UNC5C: variants seen among roughly 807,000 people sequenced by gnomAD.
The protein encoded by UNC5C is netrin receptor UNC5C.
A neutral mutation model predicts 99.8 loss-of-function variants in UNC5C; 47 were observed. The observed-to-expected ratio is 0.47, with a 90% confidence interval of 0.37 to 0.60. The LOEUF (loss-of-function observed/expected upper bound fraction) is 0.60, where lower values mean the gene tolerates loss of function less well. UNC5C is among the 20% of genes least tolerant of loss of function. UNC5C has a pLI of 0.00. For missense variants in UNC5C, 1,062 were observed against 1,165.9 expected, an observed-to-expected ratio of 0.91 and a Z score of 1.30; for synonymous variants, 487 against 452.2, an observed-to-expected ratio of 1.08 and a Z score of -0.98.
intron 3 of UNC5C, among the ~76,000 whole-genome samples, chr4:95,291,449 C>T (rs945913205): frequency 9.9e-5 from 15 of 152,132 alleles, no homozygotes; most frequent in Non-Finnish European, 1.8e-4. Flanking sequence ...ACTTTAATAA[C>T]ACATTTTTGT....
chr4:95,299,584 T>C (rs1741795205), intron 3 of UNC5C, among the ~76,000 whole-genome samples: 1 of 152,116 alleles, frequency 6.6e-6, no homozygotes, highest in Admixed American at 6.5e-5. Context: ...GGGTAATTTA[T>C]AAAGGAAAGA....
At chr4:95,275,609 A>G (rs946738426) in intron 4 of UNC5C, among the ~76,000 whole-genome samples, 3 of 152,224 alleles carry the variant, frequency 2.0e-5, no homozygotes, top group African/African-American at 7.2e-5. Context: ...ATAGGGAAGA[A>G]GTAAAATATT....
At chr4:95,244,888 A>G (rs774214524) in intron 6 of UNC5C, 89 bp downstream of exon 6, 12 of 1,507,332 alleles carry the variant, frequency 8.0e-6, no homozygotes, top group Non-Finnish European at 1.1e-5. Context: ...ACACATTCAG[A>G]TCAAGAATAA....
intron 1 of UNC5C, among the ~76,000 whole-genome samples, chr4:95,430,181 A>G (rs1746595419): frequency 6.6e-6 from 1 of 152,196 alleles, no homozygotes; most frequent in South Asian, 2.1e-4. Context: ...TGATGTGTCA[A>G]TGTAGGTTCA....
At chr4:95,280,169 C>T (rs1008715665) in intron 3 of UNC5C, among the ~76,000 whole-genome samples, 5 of 152,026 alleles carry the variant, frequency 3.3e-5, no homozygotes, top group Admixed American at 2.0e-4. Flanking sequence ...AGAGCTCTAC[C>T]AGAAAGCACC....
intron 7 of UNC5C, among the ~76,000 whole-genome samples, chr4:95,234,414 A>C (rs1409358962): frequency 1.3e-5 from 2 of 151,220 alleles, no homozygotes; most frequent in African/African-American, 4.9e-5. Flanking sequence ...TTTAGGTTAC[A>C]TGTGCACAAC....
chr4:95,193,338 G>T (rs6840355), intron 12 of UNC5C, among the ~76,000 whole-genome samples: 1 of 152,160 alleles, frequency 6.6e-6, no homozygotes, highest in Non-Finnish European at 1.5e-5. Flanking sequence ...TTTTGCTTTG[G>T]TTCGGCTTTC....
At chr4:95,368,927 C>A (rs1251533703) in intron 1 of UNC5C, among the ~76,000 whole-genome samples, 1 of 151,464 alleles carries the variant, frequency 6.6e-6, no homozygotes, top group African/African-American at 2.4e-5. Context: ...GTCTGTGTGT[C>A]TGTGTTTTGA....
At chr4:95,360,470 A>G (rs981913736) in intron 1 of UNC5C, among the ~76,000 whole-genome samples, 2 of 152,222 alleles carry the variant, frequency 1.3e-5, no homozygotes, top group African/African-American at 4.8e-5. Flanking sequence ...AAGTATTGTG[A>G]AATAAATAAA....
chr4:95,474,185 T>A (rs1166825328), intron 1 of UNC5C, among the ~76,000 whole-genome samples: 2 of 152,156 alleles, frequency 1.3e-5, no homozygotes, highest in African/African-American at 4.8e-5. Flanking sequence ...CAGAGCCAAT[T>A]TGCCTTCTGT....
At chr4:95,348,312 G>A (rs1413145894) in intron 1 of UNC5C, among the ~76,000 whole-genome samples, 1 of 151,786 alleles carries the variant, frequency 6.6e-6, no homozygotes, top group Non-Finnish European at 1.5e-5. Flanking sequence ...ACACTGTTGG[G>A]GGGAATGTAA....
At chr4:95,219,556 G>A (rs1738389306) in intron 8 of UNC5C, among the ~76,000 whole-genome samples, 1 of 152,094 alleles carries the variant, frequency 6.6e-6, no homozygotes, top group South Asian at 2.1e-4. Flanking sequence ...TTATGCCCAA[G>A]GTATTTGGCT....
chr4:95,491,592 G>A lies in UNC5C; in HGVS notation c.124+57142C>T, dbSNP rs558438653. 5.9e-5 allele frequency among the ~76,000 whole-genome samples: 9 copies of A among 151,624 alleles called. No individual in the cohort carries two copies. The South Asian group carries it at 1.5e-3, about 24-fold the overall frequency. ...TATCCAAATCCTGATTCCTTCACCC[G>A]CTAGTGAACCCACTTAGGGTTACAA... On this transcript the variant is annotated intron_variant, in intron 1 of 15. Transcript: ENST00000453304.
chr4:95,298,707 G>C (rs1741762681), intron 3 of UNC5C, among the ~76,000 whole-genome samples: 1 of 152,058 alleles, frequency 6.6e-6, no homozygotes, highest in African/African-American at 2.4e-5. Context: ...TTTATTTAGA[G>C]TTTGCCTTTC....
chr4:95,354,287 G>A (rs972163102), intron 1 of UNC5C, among the ~76,000 whole-genome samples: 1 of 151,402 alleles, frequency 6.6e-6, no homozygotes, highest in East Asian at 1.9e-4. Context: ...ATCCAAGCTT[G>A]CCCACATGGT....
intron 1 of UNC5C, among the ~76,000 whole-genome samples, chr4:95,351,472 T>C (rs1338298375): frequency 6.6e-6 from 1 of 152,102 alleles, no homozygotes; most frequent in Non-Finnish European, 1.5e-5. Flanking sequence ...AATGTGCATA[T>C]TTAAAAACTG....
At chr4:95,176,923 G>A (rs957425549) in intron 14 of UNC5C, among the ~76,000 whole-genome samples, 2 of 148,804 alleles carry the variant, frequency 1.3e-5, no homozygotes, top group African/African-American at 4.9e-5. Context: ...CTCCGAGCCA[G>A]GTGCGGGATA....
intron 1 of UNC5C, among the ~76,000 whole-genome samples, chr4:95,431,116 C>T (rs1265815627): frequency 6.6e-6 from 1 of 152,034 alleles, no homozygotes; most frequent in Non-Finnish European, 1.5e-5. Context: ...ACCCCATGCA[C>T]TTCCAACTGC....
intron 1 of UNC5C, among the ~76,000 whole-genome samples, chr4:95,414,610 A>G (rs964708711): frequency 6.6e-6 from 1 of 152,220 alleles, no homozygotes; most frequent in Non-Finnish European, 1.5e-5. Flanking sequence ...GGCCACAGGG[A>G]TGTGAACACT....
Sources: allele counts gnomAD v4.1 joint callset (sites outside exome capture counted in the v4.1 genomes callset), GRCh38; gene constraint gnomAD v4.1.1; transcripts MANE v1.5; gene names NCBI Gene and HGNC (gene_info 2026-07-23, HGNC 2026-07-21).